CA10: variants seen among roughly 807,000 people sequenced by gnomAD.
CA10 encodes carbonic anhydrase-related protein 10.
In CA10, 14 loss-of-function variants were observed where a neutral mutation model predicts 44.2. The observed-to-expected ratio is 0.32, with a 90% CI of 0.21 to 0.50. CA10 has a LOEUF of 0.50. Ranked by LOEUF, CA10 falls within the 20% of genes least tolerant of loss-of-function variation. CA10 has a pLI of 0.99. For synonymous variants in CA10, 159 were observed against 141.6 expected (o/e 1.12, Z -0.87); for missense variants, 350 against 409.7 (o/e 0.85, Z 1.26).
chr17:52,098,117 T>C (rs1035269716), intron 1 of CA10, among the ~76,000 whole-genome samples: 1 of 152,168 alleles, frequency 6.6e-6, no homozygotes, highest in Non-Finnish European at 1.5e-5. Flanking sequence ...TATTTGACTG[T>C]CATATTTGGA....
At chr17:52,010,677 C>T (rs1176548312) in intron 2 of CA10, among the ~76,000 whole-genome samples, 1 of 151,872 alleles carries the variant, frequency 6.6e-6, no homozygotes, top group Non-Finnish European at 1.5e-5. Flanking sequence ...GTTTACACTA[C>T]TTGGGTGATG....
chr17:51,734,440 C>T (rs1277460779), intron 4 of CA10, among the ~76,000 whole-genome samples: 1 of 152,112 alleles, frequency 6.6e-6, no homozygotes, highest in African/African-American at 2.4e-5. Context: ...ATTCATTGTG[C>T]AAACTGGAGG....
intron 1 of CA10, among the ~76,000 whole-genome samples, chr17:52,115,540 C>T (rs968530238): frequency 6.6e-6 from 1 of 152,204 alleles, no homozygotes; most frequent in African/African-American, 2.4e-5. Context: ...ATGGCAATTT[C>T]CTTCTTTTTA....
At chr17:52,098,834 A>G (rs1198443122) in intron 1 of CA10, among the ~76,000 whole-genome samples, 2 of 152,134 alleles carry the variant, frequency 1.3e-5, no homozygotes, top group East Asian at 1.9e-4. Context: ...TCCTCCAGGG[A>G]GCTAAGGCTC....
At chr17:52,089,607 T>TC (rs963217771) in intron 1 of CA10, among the ~76,000 whole-genome samples, 39 of 152,084 alleles carry the variant, frequency 2.6e-4, no homozygotes, top group African/African-American at 7.0e-4. Context: ...GTTTTTTTTT[T>TC]CCCTCTATAC....
intron 3 of CA10, among the ~76,000 whole-genome samples, chr17:51,912,431 T>C (rs1981826730): frequency 6.6e-6 from 1 of 152,126 alleles, no homozygotes; most frequent in African/African-American, 2.4e-5. Context: ...CCTGCCAACT[T>C]CATAGTTTAT....
At chr17:51,639,303 G>C (rs565751981) in intron 6 of CA10, among the ~76,000 whole-genome samples, 16 of 152,250 alleles carry the variant, frequency 1.1e-4, no homozygotes, top group African/African-American at 3.9e-4. Flanking sequence ...TTTATTCGGG[G>C]CGGTGGGGAG....
chr17:51,978,207 A>G (rs895398028), intron 2 of CA10, among the ~76,000 whole-genome samples: 1 of 152,144 alleles, frequency 6.6e-6, no homozygotes, highest in Non-Finnish European at 1.5e-5. Context: ...AATAATCTAA[A>G]ATGGCCAGAA....
At chr17:52,055,934 G>T (rs1165992569) in intron 2 of CA10, among the ~76,000 whole-genome samples, 1 of 152,078 alleles carries the variant, frequency 6.6e-6, no homozygotes, top group South Asian at 2.1e-4. Context: ...TGAATTTCAG[G>T]TGATCACATG....
At chr17:52,025,038 G>C (rs78113738) in intron 2 of CA10, among the ~76,000 whole-genome samples, 322 of 152,008 alleles carry the variant, frequency 2.1e-3, no homozygotes, top group African/African-American at 7.4e-3. Context: ...TTAATATACA[G>C]TAAGTATGTA....
intron 1 of CA10, among the ~76,000 whole-genome samples, chr17:52,144,642 T>C (rs950143266): frequency 6.6e-6 from 1 of 152,242 alleles, no homozygotes; most frequent in African/African-American, 2.4e-5. Flanking sequence ...TTTCCCCTAG[T>C]GAATCAGATT....
At chr17:51,941,119 T>G (rs2144016081) in intron 2 of CA10, among the ~76,000 whole-genome samples, 1 of 152,202 alleles carries the variant, frequency 6.6e-6, no homozygotes, top group African/African-American at 2.4e-5. Flanking sequence ...TTATCCAAGG[T>G]TATTCAGCCA....
chr17:51,642,581 T>C (rs1913133483), intron 6 of CA10, among the ~76,000 whole-genome samples: 1 of 152,196 alleles, frequency 6.6e-6, no homozygotes, highest in Admixed American at 6.5e-5. Flanking sequence ...TCCAGATGCC[T>C]TCAGTGGTGT....
chr17:51,831,678 G>GCAGCAGCAGCAGCAGCAGCAGCAGCAC (rs1567854493), intron 3 of CA10, among the ~76,000 whole-genome samples: 9 of 49,034 alleles, frequency 1.8e-4, no homozygotes, highest in African/African-American at 5.5e-4. Context: ...AGCAGCAGCA[G>GCAGCAGCAGCAGCAGCAGCAGCAGCAC]CAGCAGCAGC....
chr17:51,967,029 A>T, intron 2 of CA10, among the ~76,000 whole-genome samples: 1 of 151,896 alleles, frequency 6.6e-6, no homozygotes, highest in Non-Finnish European at 1.5e-5. Context: ...CAACCCCATT[A>T]AAAAGCAGGC....
At chr17:51,831,722 A>C (rs536749390) in intron 3 of CA10, among the ~76,000 whole-genome samples, 2 of 145,702 alleles carry the variant, frequency 1.4e-5, no homozygotes, top group African/African-American at 5.3e-5. Context: ...CAGCAGCAGC[A>C]GCAGCAGCAG....
At chr17:51,941,744 T>G (rs954923318) in intron 2 of CA10, among the ~76,000 whole-genome samples, 4 of 152,056 alleles carry the variant, frequency 2.6e-5, no homozygotes, top group Admixed American at 2.0e-4. Context: ...CCACTGAAAA[T>G]AGGTGATCTT....
chr17:51,733,567 A>T (rs1041124008), intron 4 of CA10, among the ~76,000 whole-genome samples: 10 of 152,178 alleles, frequency 6.6e-5, no homozygotes, highest in African/African-American at 2.4e-4. Context: ...AATCAAGCTA[A>T]ATGAATACTC....
intron 2 of CA10, among the ~76,000 whole-genome samples, chr17:52,012,073 A>G (rs761976127): frequency 1.3e-4 from 20 of 151,994 alleles, no homozygotes; most frequent in Admixed American, 2.6e-4. Context: ...TGAGCTGGTT[A>G]TGGTAGCTTG....
Sources: allele counts gnomAD v4.1 joint callset (sites outside exome capture counted in the v4.1 genomes callset), GRCh38; gene constraint gnomAD v4.1.1; transcripts MANE v1.5; gene names NCBI Gene and HGNC (gene_info 2026-07-23, HGNC 2026-07-21).